The following EIF5A2 variants were observed in gnomAD, a reference collection of about 807,000 sequenced individuals.
EIF5A2 encodes the protein eukaryotic translation initiation factor 5A-2.
A neutral mutation model predicts 16.4 loss-of-function variants in EIF5A2; 15 were observed. The observed-to-expected ratio is 0.92, with a 90% CI of 0.61 to 1.41. EIF5A2 has a LOEUF of 1.41. EIF5A2 is among the 40% of genes most tolerant of loss of function. EIF5A2 has a pLI of 0.00. For synonymous variants in EIF5A2, 48 were observed against 61.1 expected (o/e 0.79, Z 1.00); for missense variants, 144 against 189.5 (o/e 0.76, Z 1.41).
intron 3 of EIF5A2, among the ~76,000 whole-genome samples, chr3:170,895,878 A>T (rs1380025885): frequency 6.6e-6 from 1 of 152,172 alleles, no homozygotes; most frequent in African/African-American, 2.4e-5. Flanking sequence ...GTCTCATTAT[A>T]TTGCCTAGGC....
chr3:170,894,702 T>C (rs1380813898), intron 3 of EIF5A2, among the ~76,000 whole-genome samples: 1 of 151,836 alleles, frequency 6.6e-6, no homozygotes, highest in African/African-American at 2.4e-5. Context: ...AAAATAAATA[T>C]AGTTGCTGTT....
rs1465104300 is a variant in EIF5A2 at position 170,892,669 on chromosome 3, CT to C, written c.*690del. The C allele has an allele frequency of 2.5e-6, 1 of 397,942 alleles. No individual in the cohort carries two copies. Among genetic ancestry groups the C allele is most frequent in the Non-Finnish European group, 4.4e-6 (1 of 225,846 alleles). 24.7% of individuals were successfully genotyped at this position (397,942 alleles called of 1,614,324 possible). ...TTTAATCAACCCTCTTTGCCACTGT[CT>C]TTTGTGTCTTCCTTATAATCTTACT... On this transcript the variant is annotated 3_prime_UTR_variant, in exon 5 of 5. Transcript: ENST00000295822.
intron 3 of EIF5A2, 76 bp downstream of exon 3, chr3:170,906,913 T>C: frequency 2.1e-6 from 2 of 934,270 alleles, no homozygotes; most frequent in Non-Finnish European, 3.1e-6. Flanking sequence ...TTGGGTTTTG[T>C]CAAATTATTA....
At chr3:170,893,845 C>G (rs925583648) in intron 4 of EIF5A2, among the ~76,000 whole-genome samples, 1 of 152,060 alleles carries the variant, frequency 6.6e-6, no homozygotes, top group Non-Finnish European at 1.5e-5. Flanking sequence ...CCAGCTTGGC[C>G]AACATGCTGA....
chr3:170,903,779 ACTT>A (rs1712867983), intron 3 of EIF5A2, among the ~76,000 whole-genome samples: 1 of 152,202 alleles, frequency 6.6e-6, no homozygotes. Context: ...ATGATATACT[ACTT>A]ATTTGAATTC....
At position 170,906,996 on chromosome 3, in the gene EIF5A2, T is replaced by G; in HGVS notation, c.263A>C (p.Asp88Ala). 1 of 1,595,376 alleles carries G rather than the reference T, an allele frequency of 6.3e-7. No individual in the cohort carries two copies. Among genetic ancestry groups the G allele is most frequent in the East Asian group, 2.2e-5 (1 of 44,604 alleles). Residue 88 changes from aspartate (D) to alanine (A), a missense_variant, in exon 3 of 5, where the codon GAT becomes GCT. Asp to Ala is a moderately radical substitution (Grantham distance 126). Coordinates refer to ENST00000295822, the MANE Select transcript of EIF5A2 (RefSeq NM_020390.6). ...AAGAAAATCAGTGCTTACTTGATAATCATTTCTCTTAATATTTGGAACATC... is the reference window on the plus strand; with the variant it reads ...AAGAAAATCAGTGCTTACTTGATAAGCATTTCTCTTAATATTTGGAACATC... ...NMDVPNIKRN[D>A]YQLICIQDGY...
chr3:170,890,158 G>A lies in EIF5A2; in HGVS notation c.*3202C>T, dbSNP rs1353031953. On this transcript the variant is annotated 3_prime_UTR_variant, in exon 5 of 5. Coordinates refer to ENST00000295822, the MANE Select transcript of EIF5A2 (RefSeq NM_020390.6). Reference sequence around the variant, plus strand: ...ACCTTAAAGTACAAAAACAAGTTGTGGAAAGTTGTAAATTTAAAAAAAAAA... The same window carrying A: ...ACCTTAAAGTACAAAAACAAGTTGTAGAAAGTTGTAAATTTAAAAAAAAAA... The A allele has an allele frequency of 6.6e-6, 1 of 151,854 alleles. No individual in the cohort carries two copies. The highest frequency in any genetic ancestry group is 1.5e-5 in the Non-Finnish European group (1 of 67,890). The allele number at this position is 151,854 out of a possible 1,614,324, so 9.4% of individuals were successfully genotyped here.
At chr3:170,898,834 A>AAT (rs36060435) in intron 3 of EIF5A2, among the ~76,000 whole-genome samples, 173 of 150,756 alleles carry the variant, frequency 1.1e-3, no homozygotes, top group African/African-American at 3.8e-3. Flanking sequence ...GTATACATCC[A>AAT]ATATATATAT....
intron 3 of EIF5A2, among the ~76,000 whole-genome samples, chr3:170,904,517 A>G (rs1159468643): frequency 6.6e-6 from 1 of 152,190 alleles, no homozygotes; most frequent in Non-Finnish European, 1.5e-5. Context: ...TTTTTGAGAC[A>G]GGGTCCCACT....
chr3:170,897,033 G>C (rs527879325), intron 3 of EIF5A2, among the ~76,000 whole-genome samples: 2 of 152,334 alleles, frequency 1.3e-5, no homozygotes, highest in East Asian at 3.9e-4. Context: ...CTAGAGATCT[G>C]TGGAACTATG....
Position 170,901,960 on chromosome 3 carries a change from T to C in EIF5A2, c.270+5029A>G, listed in dbSNP as rs569214499. 3.9e-5 allele frequency among the ~76,000 whole-genome samples: 6 copies of C among 152,270 alleles called. No homozygotes were observed. The East Asian group carries it at 1.2e-3, about 29-fold the overall frequency. On this transcript the variant is annotated intron_variant, in intron 3 of 4. Transcript: ENST00000295822. ...GAGACTGAATGCTTTATCACTATTA[T>C]TGTACAGCCTAAGCAAATAACACCA...
At chr3:170,895,158 A>G (rs1195549337) in intron 3 of EIF5A2, among the ~76,000 whole-genome samples, 2 of 152,088 alleles carry the variant, frequency 1.3e-5, no homozygotes, top group African/African-American at 4.8e-5. Flanking sequence ...ACATATCTGC[A>G]TGGACATACT....
chr3:170,893,806 G>A (rs769945867), intron 4 of EIF5A2, among the ~76,000 whole-genome samples: 1 of 152,170 alleles, frequency 6.6e-6, no homozygotes, highest in African/African-American at 2.4e-5. Context: ...GCCAAGGTTG[G>A]GGGATCACCT....
chr3:170,904,911 G>A (rs1712900466), intron 3 of EIF5A2, among the ~76,000 whole-genome samples: 1 of 152,168 alleles, frequency 6.6e-6, no homozygotes, highest in Non-Finnish European at 1.5e-5. Flanking sequence ...AGCAAAACAG[G>A]TTAAGTAACT....
chr3:170,894,037 A>G (rs1712604283), intron 4 of EIF5A2, among the ~76,000 whole-genome samples: 1 of 152,122 alleles, frequency 6.6e-6, no homozygotes, highest in Non-Finnish European at 1.5e-5. Flanking sequence ...TCTCAAAAAA[A>G]AAAAAAAAGT....
At chr3:170,900,599 GAATA>G (rs1712785598) in intron 3 of EIF5A2, among the ~76,000 whole-genome samples, 3 of 152,066 alleles carry the variant, frequency 2.0e-5, no homozygotes, top group African/African-American at 7.2e-5. Context: ...AACAATGTGA[GAATA>G]AATAAGGACA....
chr3:170,904,885 T>C (rs532984774), intron 3 of EIF5A2, among the ~76,000 whole-genome samples: 71 of 152,330 alleles, frequency 4.7e-4, no homozygotes, highest in Middle Eastern at 6.8e-3. Context: ...CTCTGCTTTA[T>C]AAAGAAAGAA....
rs1712493806 is a variant in EIF5A2, at chr3:170,890,178, A to C, written c.*3182T>G. The C allele has an allele frequency of 6.6e-6, 1 of 152,220 alleles. No individual in the cohort carries two copies. The highest frequency in any genetic ancestry group is 2.4e-5 in the African/African-American group (1 of 41,476). The allele number at this position is 152,220 out of a possible 1,614,324, so 9.4% of individuals were successfully genotyped here. Reference sequence around the variant, plus strand: ...GTTGTGGAAAGTTGTAAATTTAAAAAAAAAAAGTTACCAACAGTTGAGGCA... The same window carrying C: ...GTTGTGGAAAGTTGTAAATTTAAAACAAAAAAGTTACCAACAGTTGAGGCA... On this transcript the variant is annotated 3_prime_UTR_variant, in exon 5 of 5. Coordinates refer to ENST00000295822, the MANE Select transcript of EIF5A2 (RefSeq NM_020390.6).
intron 4 of EIF5A2, 83 bp from the exon 5 acceptor site, chr3:170,893,502 T>A: frequency 7.0e-7 from 1 of 1,434,208 alleles, no homozygotes; most frequent in Non-Finnish European, 9.6e-7. Context: ...TATTGTATAT[T>A]TGTGGATATT....
Sources: allele counts gnomAD v4.1 joint callset (sites outside exome capture counted in the v4.1 genomes callset), GRCh38; gene constraint gnomAD v4.1.1; transcripts MANE v1.5; gene names NCBI Gene and HGNC (gene_info 2026-07-23, HGNC 2026-07-21).